Variants in PDE7B observed in about 807,000 individuals in gnomAD.
PDE7B encodes the protein 3',5'-cyclic-AMP phosphodiesterase 7B.
Under a neutral mutation model 56.2 loss-of-function variants are expected in PDE7B, and 29 were observed. That is an observed-to-expected ratio of 0.52 (90% CI 0.38 to 0.70). The LOEUF (loss-of-function observed/expected upper bound fraction) is 0.70, where lower values mean the gene tolerates loss of function less well. Ranked by LOEUF, PDE7B falls within the 30% of genes least tolerant of loss-of-function variation. PDE7B has a pLI of 0.00. For synonymous variants in PDE7B, 197 were observed against 196.9 expected, an observed-to-expected ratio of 1.00 and a Z score of 0.00; for missense variants, 490 against 565.0, an observed-to-expected ratio of 0.87 and a Z score of 1.35.
At chr6:136,100,497 T>A (rs1267711754) in intron 2 of PDE7B, among the ~76,000 whole-genome samples, 2 of 152,228 alleles carry the variant, frequency 1.3e-5, no homozygotes, top group African/African-American at 4.8e-5. Flanking sequence ...ACATCCCTTG[T>A]AAGTTGGATT....
chr6:136,116,410 G>C (rs1777832040), intron 3 of PDE7B, among the ~76,000 whole-genome samples: 1 of 152,208 alleles, frequency 6.6e-6, no homozygotes, highest in African/African-American at 2.4e-5. Context: ...AACACTGTTT[G>C]AGAAAATTAA....
intron 2 of PDE7B, among the ~76,000 whole-genome samples, chr6:136,099,086 C>T (rs896930597): frequency 6.6e-6 from 1 of 151,992 alleles, no homozygotes; most frequent in African/African-American, 2.4e-5. Context: ...TCATCCATGT[C>T]CCTGCAAAGT....
chr6:136,177,911 A>G (rs1779005359), intron 9 of PDE7B, among the ~76,000 whole-genome samples: 1 of 152,224 alleles, frequency 6.6e-6, no homozygotes, highest in Admixed American at 6.5e-5. Context: ...GGATTTCATT[A>G]TCAATGGAAT....
chr6:136,141,824 T>G (rs1365102837), intron 3 of PDE7B, among the ~76,000 whole-genome samples: 2 of 152,218 alleles, frequency 1.3e-5, no homozygotes, highest in African/African-American at 4.8e-5. Context: ...CCTTTATCAT[T>G]TTTTGATTGC....
chr6:136,089,063 A>T (rs190143340), intron 2 of PDE7B, among the ~76,000 whole-genome samples: 1 of 152,268 alleles, frequency 6.6e-6, no homozygotes, highest in Non-Finnish European at 1.5e-5. Context: ...AAACACAAGA[A>T]AAACTCTTCA....
At chr6:135,987,468 C>T (rs1775401317) in intron 2 of PDE7B, among the ~76,000 whole-genome samples, 1 of 152,150 alleles carries the variant, frequency 6.6e-6, no homozygotes, top group Admixed American at 6.5e-5. Context: ...AAACACTGGC[C>T]TCGTGTTCAT....
At chr6:135,898,364 T>G (rs1041725849) in intron 1 of PDE7B, among the ~76,000 whole-genome samples, 2 of 152,138 alleles carry the variant, frequency 1.3e-5, no homozygotes, top group Non-Finnish European at 2.9e-5. Flanking sequence ...AACACAAACT[T>G]TTTCTTTATT....
chr6:136,050,173 C>A (rs896904397), intron 2 of PDE7B, among the ~76,000 whole-genome samples: 4 of 152,162 alleles, frequency 2.6e-5, no homozygotes, highest in Non-Finnish European at 5.9e-5. Context: ...CCTTTTCACT[C>A]CCAAATACTT....
intron 1 of PDE7B, among the ~76,000 whole-genome samples, chr6:135,888,424 T>C (rs1425809682): frequency 6.6e-6 from 1 of 152,048 alleles, no homozygotes; most frequent in African/African-American, 2.4e-5. Context: ...CTGACATTTC[T>C]GAGCTCCAAT....
At chr6:135,987,628 C>G (rs1377388932) in intron 2 of PDE7B, among the ~76,000 whole-genome samples, 1 of 152,048 alleles carries the variant, frequency 6.6e-6, no homozygotes, top group African/African-American at 2.4e-5. Context: ...AGAGTGTGCT[C>G]GTGATCACAC....
rs988859583 is a variant in PDE7B, at chr6:135,912,301, C to T, written c.22-35163C>T. ...TATTAGAAAAAAATGAAAAATACAA[C>T]AATAAAAAAATACAAATTTAAAACT... On this transcript the variant is annotated intron_variant, in intron 1 of 12. Coordinates refer to ENST00000308191, the MANE Select transcript of PDE7B (RefSeq NM_018945.4). 1.2e-4 allele frequency among the ~76,000 whole-genome samples: 19 copies of T among 152,132 alleles called. No individual in the cohort carries two copies. In the East Asian group the frequency reaches 1.4e-3, roughly 11 times the overall value.
intron 1 of PDE7B, among the ~76,000 whole-genome samples, chr6:135,936,496 A>C (rs539729123): frequency 5.1e-4 from 77 of 152,280 alleles, no homozygotes; most frequent in African/African-American, 1.8e-3. Flanking sequence ...GTCAGACAAA[A>C]AGGCGCTTGT....
chr6:136,191,615 T>C lies in PDE7B; in HGVS notation c.1128T>C (p.Gly376=). ...QKDSIPSIQI[G]FMSYIVEPLF... ...TGAGCCTTGACTTGCCTGTTCTAGG[T>C]TTCATGAGCTACATCGTGGAGCCGC... Residue 376 remains glycine (G), a splice_region_variant and synonymous_variant, in exon 13 of 13, where the codon GGT becomes GGC. Transcript: ENST00000308191. The C allele has an allele frequency of 1.2e-6, 2 of 1,613,406 alleles. No individual in the cohort carries two copies. Among genetic ancestry groups the C allele is most frequent in the South Asian group, 1.1e-5 (1 of 91,002 alleles).
At chr6:136,125,616 A>G (rs778111294) in intron 3 of PDE7B, among the ~76,000 whole-genome samples, 6 of 152,046 alleles carry the variant, frequency 3.9e-5, no homozygotes, top group Non-Finnish European at 7.4e-5. Flanking sequence ...ATAGGTAAAA[A>G]TGAATTTATT....
Position 136,173,777 on chromosome 6 carries a change from CTTA to C in PDE7B, c.712-17_712-15del, listed in dbSNP as rs894688012. On this transcript the variant is annotated splice_polypyrimidine_tract_variant and intron_variant, in intron 8 of 12. Coordinates refer to ENST00000308191, the MANE Select transcript of PDE7B (RefSeq NM_018945.4). Reference sequence around the variant, plus strand: ...TCTGGCTTCCCTCTCATTTATAACTCTTATTTTCTTTCTTTCTAGAATATGTCT... The same window carrying C: ...TCTGGCTTCCCTCTCATTTATAACTCTTTTCTTTCTTTCTAGAATATGTCT... 6.6e-6 allele frequency: 10 copies of C among 1,515,336 alleles called. No homozygotes were observed. Among genetic ancestry groups the C allele is most frequent in the Non-Finnish European group, 9.2e-6 (10 of 1,092,154 alleles). 93.9% of individuals were successfully genotyped at this position (1,515,336 alleles called of 1,614,324 possible).
intron 2 of PDE7B, among the ~76,000 whole-genome samples, chr6:135,955,451 G>A (rs1217697248): frequency 1.3e-5 from 2 of 152,126 alleles, no homozygotes; most frequent in African/African-American, 4.8e-5. Context: ...GCAGCTTAAT[G>A]TGACCAATTA....
At chr6:135,955,220 C>T (rs1243278338) in intron 2 of PDE7B, among the ~76,000 whole-genome samples, 1 of 151,908 alleles carries the variant, frequency 6.6e-6, no homozygotes, top group Non-Finnish European at 1.5e-5. Flanking sequence ...CAGGGACGAC[C>T]ACACAAACAA....
intron 8 of PDE7B, among the ~76,000 whole-genome samples, chr6:136,158,513 C>T (rs1778648966): frequency 6.6e-6 from 1 of 152,164 alleles, no homozygotes; most frequent in South Asian, 2.1e-4. Flanking sequence ...TGGAAGAGGG[C>T]TTCCTCTCCC....
intron 2 of PDE7B, among the ~76,000 whole-genome samples, chr6:136,088,460 G>A (rs1005825635): frequency 2.0e-5 from 3 of 152,122 alleles, no homozygotes; most frequent in African/African-American, 7.2e-5. Flanking sequence ...GAGAACACAG[G>A]CCTAGAAGGA....
Sources: allele counts gnomAD v4.1 joint callset (sites outside exome capture counted in the v4.1 genomes callset), GRCh38; gene constraint gnomAD v4.1.1; transcripts MANE v1.5; gene names NCBI Gene and HGNC (gene_info 2026-07-23, HGNC 2026-07-21).